Variants in NTN4 observed in about 807,000 individuals in gnomAD.
The protein encoded by NTN4 is netrin 4, also known as netrin-4.
Under a neutral mutation model 73.6 loss-of-function variants are expected in NTN4, and 32 were observed. The observed-to-expected ratio is 0.44, with a 90% CI of 0.33 to 0.58. The LOEUF (loss-of-function observed/expected upper bound fraction) is 0.58. Among genes scored for constraint, NTN4 ranks in the 20% least tolerant of loss-of-function variants. The probability of loss-of-function intolerance (pLI) is 0.04; values close to 1 mark genes in which losing one functional copy is unlikely to be tolerated. For synonymous variants in NTN4, 258 were observed against 287.5 expected, an observed-to-expected ratio of 0.90 and a Z score of 1.04; for missense variants, 654 against 798.3, an observed-to-expected ratio of 0.82 and a Z score of 2.18.
intron 8 of NTN4, among the ~76,000 whole-genome samples, chr12:95,668,668 A>AT (rs1350557144): frequency 2.0e-5 from 3 of 152,222 alleles, no homozygotes; most frequent in Non-Finnish European, 2.9e-5. Context: ...TGTAGTGTAT[A>AT]TTTCAGGCCA....
At chr12:95,697,415 T>C (rs2078450682) in intron 5 of NTN4, among the ~76,000 whole-genome samples, 1 of 152,206 alleles carries the variant, frequency 6.6e-6, no homozygotes, top group South Asian at 2.1e-4. Context: ...CCTTGAGAAA[T>C]TTCCTGGATA....
chr12:95,705,367 G>A (rs773416941), intron 5 of NTN4, among the ~76,000 whole-genome samples: 2 of 152,064 alleles, frequency 1.3e-5, no homozygotes, highest in East Asian at 3.9e-4. Context: ...AGTTCAACTC[G>A]AGAGTTACTC....
intron 2 of NTN4, among the ~76,000 whole-genome samples, chr12:95,759,912 C>T (rs150816398): frequency 4.2e-4 from 64 of 152,174 alleles, no homozygotes; most frequent in African/African-American, 1.5e-3. Flanking sequence ...ATCTAATGTC[C>T]TGGCTTGCTA....
At chr12:95,726,321 C>T (rs1186957809) in intron 3 of NTN4, among the ~76,000 whole-genome samples, 1 of 152,132 alleles carries the variant, frequency 6.6e-6, no homozygotes, top group Admixed American at 6.5e-5. Flanking sequence ...CCTATTTTAT[C>T]TTTATGGATT....
chr12:95,685,821 G>C (rs2078356498), intron 5 of NTN4, among the ~76,000 whole-genome samples: 1 of 152,122 alleles, frequency 6.6e-6, no homozygotes, highest in African/African-American at 2.4e-5. Flanking sequence ...TGTGTGCAAA[G>C]CAGTTAGTGT....
At chr12:95,768,471 G>C (rs1565913947) in intron 2 of NTN4, among the ~76,000 whole-genome samples, 1 of 152,062 alleles carries the variant, frequency 6.6e-6, no homozygotes, top group Non-Finnish European at 1.5e-5. Flanking sequence ...GGGTCAGAGA[G>C]TGAGAAAGAA....
intron 3 of NTN4, among the ~76,000 whole-genome samples, chr12:95,719,947 A>T (rs1381831753): frequency 6.6e-6 from 1 of 152,216 alleles, no homozygotes; most frequent in Admixed American, 6.5e-5. Context: ...ATACTTGAAC[A>T]CTTGAGGAAA....
chr12:95,766,539 C>T (rs1038589140), intron 2 of NTN4, among the ~76,000 whole-genome samples: 1 of 152,226 alleles, frequency 6.6e-6, no homozygotes, highest in African/African-American at 2.4e-5. Flanking sequence ...TTGAAAGCAT[C>T]AGAGCCCATT....
At position 95,659,193 on chromosome 12, in the gene NTN4, C is replaced by T; in HGVS notation, c.1780G>A (p.Asp594Asn). Reference sequence around the variant, plus strand: ...ACAATTAGTTTGCCTGTTCTTATATCCTCATGTCCTGCTACAAGGTATTCC... The same window carrying T: ...ACAATTAGTTTGCCTGTTCTTATATTCTCATGTCCTGCTACAAGGTATTCC... Reference protein sequence around the residue: ...GLEYLVAGHEDIRTGKLIVNM... With the variant: ...GLEYLVAGHENIRTGKLIVNM... Residue 594 changes from aspartate (D) to asparagine (N), a missense_variant, in exon 10 of 10, where the codon GAT (aspartate) becomes AAT (asparagine). Transcript: ENST00000343702. 1.2e-6 allele frequency: 2 copies of T among 1,613,586 alleles called. No individual in the cohort carries two copies. The highest frequency in any genetic ancestry group is 1.1e-5 in the South Asian group (1 of 90,948).
At chr12:95,751,133 T>G (rs2078904058) in intron 2 of NTN4, among the ~76,000 whole-genome samples, 2 of 152,156 alleles carry the variant, frequency 1.3e-5, no homozygotes, top group Non-Finnish European at 2.9e-5. Context: ...TTACCCAATC[T>G]GCTCCCGACA....
At chr12:95,776,027 C>T (rs7973797) in intron 2 of NTN4, among the ~76,000 whole-genome samples, 2,256 of 152,304 alleles carry the variant, frequency 0.015, 48 homozygotes, top group African/African-American at 0.048. Context: ...CTGTAGCCTC[C>T]GCTGCTGACA....
At chr12:95,765,254 G>C (rs893973480) in intron 2 of NTN4, among the ~76,000 whole-genome samples, 1 of 152,176 alleles carries the variant, frequency 6.6e-6, no homozygotes, top group African/African-American at 2.4e-5. Flanking sequence ...AACTAAATAT[G>C]GAATGAAGAG....
intron 5 of NTN4, among the ~76,000 whole-genome samples, chr12:95,705,094 T>G (rs1005216218): frequency 3.3e-5 from 5 of 152,142 alleles, no homozygotes; most frequent in Non-Finnish European, 7.4e-5. Context: ...CATAACAACA[T>G]ATAAGGGGAT....
intron 8 of NTN4, among the ~76,000 whole-genome samples, chr12:95,668,820 T>G (rs1369166530): frequency 6.6e-6 from 1 of 151,076 alleles, no homozygotes; most frequent in Non-Finnish European, 1.5e-5. Flanking sequence ...TGAAACCCCA[T>G]CTCTGCTAAA....
intron 7 of NTN4, among the ~76,000 whole-genome samples, chr12:95,678,878 C>T (rs2078294917): frequency 6.6e-6 from 1 of 151,884 alleles, no homozygotes; most frequent in African/African-American, 2.4e-5. Flanking sequence ...ACTATGCAGC[C>T]ATAAAAAATG....
intron 3 of NTN4, among the ~76,000 whole-genome samples, chr12:95,733,737 G>C (rs1464894983): frequency 6.6e-6 from 1 of 151,978 alleles, no homozygotes; most frequent in Non-Finnish European, 1.5e-5. Flanking sequence ...GATCTGGGGA[G>C]AAGGGGAAAC....
At chr12:95,678,879 A>G (rs534100573) in intron 7 of NTN4, among the ~76,000 whole-genome samples, 1 of 152,360 alleles carries the variant, frequency 6.6e-6, no homozygotes, top group East Asian at 1.9e-4. Context: ...CTATGCAGCC[A>G]TAAAAAATGA....
chr12:95,786,806 A>G (rs2079170366), intron 2 of NTN4, 133 bp downstream of exon 2: 5 of 726,022 alleles, frequency 6.9e-6, no homozygotes, highest in Non-Finnish European at 1.1e-5. Flanking sequence ...ATAATTTATG[A>G]CAAATAAATC....
intron 2 of NTN4, among the ~76,000 whole-genome samples, chr12:95,786,465 AT>A (rs1191238668): frequency 6.6e-6 from 1 of 152,198 alleles, no homozygotes; most frequent in Non-Finnish European, 1.5e-5. Context: ...AACTACTTTC[AT>A]TTGTTTGCTA....
Sources: allele counts gnomAD v4.1 joint callset (sites outside exome capture counted in the v4.1 genomes callset), GRCh38; gene constraint gnomAD v4.1.1; transcripts MANE v1.5; gene names NCBI Gene and HGNC (gene_info 2026-07-23, HGNC 2026-07-21).